Variants in UBE3A observed in about 807,000 individuals in gnomAD.
UBE3A encodes ubiquitin-protein ligase E3A.
UBE3A carries 6 observed loss-of-function variants against 83.4 expected under a neutral mutation model. That is an observed-to-expected ratio of 0.07 (90% CI 0.04 to 0.14). UBE3A has a LOEUF of 0.14. Ranked by LOEUF, UBE3A falls within the 10% of genes least tolerant of loss-of-function variation. UBE3A has a pLI of 1.00. For missense variants in UBE3A, 456 were observed against 1,036.1 expected (o/e 0.44, Z 7.69); for synonymous variants, 337 against 355.4 (o/e 0.95, Z 0.58).
At chr15:25,431,338 ATTTTCTTTTC>A (rs200887628) in intron 1 of UBE3A, among the ~76,000 whole-genome samples, 8 of 151,940 alleles carry the variant, frequency 5.3e-5, no homozygotes, top group East Asian at 1.9e-4. Flanking sequence ...TAAACAGCAT[ATTTTCTTTTC>A]TTTTCTTTTC....
In UBE3A at chr15:25,371,853, A is replaced by T. The variant is rs1234051930; in HGVS notation, c.362-41T>A. On this transcript the variant is annotated intron_variant, in intron 5 of 12. Coordinates refer to ENST00000648336, the MANE Select transcript of UBE3A (RefSeq NM_130839.5). The surrounding 1 kb of genome is among the most constrained non-coding windows in gnomAD (Gnocchi z 5.3). ...AAAAAAGAGAACATTTATTTTCATA[A>T]TATGTATGTTTACTCTGTTGCAAAA... 1.9e-6 allele frequency: 3 copies of T among 1,577,580 alleles called. No homozygotes were observed. The South Asian group carries it at 3.4e-5, about 18-fold the overall frequency.
intron 6 of UBE3A, among the ~76,000 whole-genome samples, chr15:25,367,234 A>C (rs2079378700): frequency 1.3e-5 from 1 of 75,284 alleles, no homozygotes; most frequent in Admixed American, 1.1e-4. Flanking sequence ...CATATTTGTA[A>C]ATATGTAAAT....
intron 6 of UBE3A, among the ~76,000 whole-genome samples, chr15:25,368,230 T>C (rs151195647): frequency 1.2e-4 from 18 of 152,278 alleles, no homozygotes; most frequent in East Asian, 1.9e-4. Context: ...CTTTCTATTA[T>C]AGAACTTCTA....
At chr15:25,418,788 GT>G (rs1888247932) in intron 1 of UBE3A, 1 of 152,026 alleles carries the variant, frequency 6.6e-6, no homozygotes, top group South Asian at 2.1e-4. Flanking sequence ...TTTTCATCAG[GT>G]GGTGGAGTCT....
At chr15:25,381,390 G>A (rs958345471) in intron 4 of UBE3A, among the ~76,000 whole-genome samples, 1 of 152,056 alleles carries the variant, frequency 6.6e-6, no homozygotes, top group Non-Finnish European at 1.5e-5. Flanking sequence ...CGCCAAACAA[G>A]TAAGATTAGA....
chr15:25,367,680 A>AATG (rs1489618777), intron 6 of UBE3A, among the ~76,000 whole-genome samples: 1 of 152,138 alleles, frequency 6.6e-6, no homozygotes, highest in Non-Finnish European at 1.5e-5. Context: ...GCAGTAATAA[A>AATG]ATGATAGTGT....
At chr15:25,417,826 G>A (rs1164432027) in intron 1 of UBE3A, 1 of 151,282 alleles carries the variant, frequency 6.6e-6, no homozygotes, top group Non-Finnish European at 1.5e-5. Flanking sequence ...GATGAAAGAG[G>A]AGTAAAGGTG....
intron 1 of UBE3A, among the ~76,000 whole-genome samples, chr15:25,412,515 A>G (rs2090178271): frequency 6.6e-6 from 1 of 152,186 alleles, no homozygotes; most frequent in Non-Finnish European, 1.5e-5. Flanking sequence ...ACTTCAATAT[A>G]CGACGATAAT....
chr15:25,367,685 T>C (rs1221824828), intron 6 of UBE3A, among the ~76,000 whole-genome samples: 2 of 152,130 alleles, frequency 1.3e-5, no homozygotes, highest in Admixed American at 6.5e-5. Context: ...AATAAAATGA[T>C]AGTGTTTCCT....
chr15:25,408,961 A>C, intron 3 of UBE3A, 127 bp downstream of exon 3: 1 of 955,580 alleles, frequency 1.0e-6, no homozygotes, highest in Non-Finnish European at 1.6e-6. Context: ...TAAATGAAGT[A>C]GGTCAACTCT....
In UBE3A at chr15:25,363,892, G is replaced by T. The variant is rs59539868; in HGVS notation, c.1609-3365C>A. Among the ~76,000 whole-genome samples the T allele has an allele frequency of 3.4e-3, 518 of 152,012 alleles. 2 individuals carry two copies. The highest frequency in any genetic ancestry group is 0.012 in the African/African-American group (500 of 41,486). On this transcript the variant is annotated intron_variant, in intron 6 of 12. Transcript: ENST00000648336. Reference sequence around the variant, plus strand: ...CACATAAGTGATTTCATAAAATACTGTACCACTTAAGAATAAAGGCTGGGC... The same window carrying T: ...CACATAAGTGATTTCATAAAATACTTTACCACTTAAGAATAAAGGCTGGGC...
At chr15:25,398,771 T>TATA (rs2086218460) in intron 4 of UBE3A, among the ~76,000 whole-genome samples, 9 of 68,954 alleles carry the variant, frequency 1.3e-4, no homozygotes, top group East Asian at 3.4e-4. Flanking sequence ...ATTCTTTTAT[T>TATA]TATATATATA....
At chr15:25,427,362 G>A (rs1282151809) in intron 1 of UBE3A, among the ~76,000 whole-genome samples, 1 of 151,848 alleles carries the variant, frequency 6.6e-6, no homozygotes, top group Admixed American at 6.6e-5. Flanking sequence ...TAAGATAGAA[G>A]GAAGATGGAT....
Position 25,339,046 on chromosome 15 carries a change from A to AAAATTTATCCCTCGTTATAT in UBE3A, c.*71_*90dup. ...TTGTACTGGGACACTATCACCACCA[A>AAAATTTATCCCTCGTTATAT]AAATTTATCCCTCGTTATATTTTTA... On this transcript the variant is annotated 3_prime_UTR_variant, in exon 13 of 13. Coordinates refer to ENST00000648336, the MANE Select transcript of UBE3A (RefSeq NM_130839.5). 2 of 1,394,184 alleles carry AAAATTTATCCCTCGTTATAT rather than the reference A, an allele frequency of 1.4e-6. No homozygotes were observed. Among genetic ancestry groups the AAAATTTATCCCTCGTTATAT allele is most frequent in the South Asian group, 3.1e-5 (2 of 63,598 alleles). 86.4% of individuals were successfully genotyped at this position (1,394,184 alleles called of 1,614,324 possible). A position where few individuals can be genotyped will look rare whatever the true frequency, so the allele number is the denominator to read the frequency against.
At position 25,356,699 on chromosome 15, in the gene UBE3A, A is replaced by C; in HGVS notation, c.1951T>G (p.Ser651Ala). 6.2e-7 allele frequency: 1 copy of C among 1,612,690 alleles called. No individual in the cohort carries two copies. Among genetic ancestry groups the C allele is most frequent in the Non-Finnish European group, 8.5e-7 (1 of 1,179,750 alleles). Residue 651 changes from serine to alanine, a missense_variant, in exon 8 of 13, where the codon TCT becomes GCT. Ser to Ala is a moderately conservative substitution (Grantham distance 99, BLOSUM62 1). This residue lies in a region of UBE3A where 18 missense variants were observed against 17.6 expected (regional missense o/e 1.02). Transcript: ENST00000648336. ...AATGACAAAGAACTTACTGGGTGAG[A>C]GTCTCCCAAGTCACGAAAAGTTCCT... ...KKGTFRDLGD[S>A]HPVLYQSLKD...
At chr15:25,353,839 G>T (rs2076861523) in intron 11 of UBE3A, among the ~76,000 whole-genome samples, 1 of 152,126 alleles carries the variant, frequency 6.6e-6, no homozygotes, top group African/African-American at 2.4e-5. Context: ...AAAGCAGATA[G>T]AACTGGGAAC....
chr15:25,398,792 T>TAC lies in UBE3A; in HGVS notation c.62+6668_62+6669insGT, dbSNP rs1308385984. 5.8e-5 allele frequency among the ~76,000 whole-genome samples: 4 copies of TAC among 68,592 alleles called. 1 individual carries two copies. The highest frequency in any genetic ancestry group is 2.2e-4 in the African/African-American group (4 of 18,592). The allele number at this position is 68,592 out of a possible 152,430, so 45.0% of individuals were successfully genotyped here. On this transcript the variant is annotated intron_variant, in intron 4 of 12. Coordinates refer to ENST00000648336, the MANE Select transcript of UBE3A (RefSeq NM_130839.5). ...TTATTTATATATATATATATATATA[T>TAC]ATATATATATATATATATATATAAA...
At chr15:25,366,410 GT>G (rs2079113096) in intron 6 of UBE3A, among the ~76,000 whole-genome samples, 1 of 152,160 alleles carries the variant, frequency 6.6e-6, no homozygotes, top group South Asian at 2.1e-4. Flanking sequence ...TGGAAGCTGG[GT>G]TAGACTAGGC....
intron 1 of UBE3A, 117 bp from the exon 2 acceptor site, chr15:25,412,088 T>A (rs965481145): frequency 1.1e-4 from 17 of 152,150 alleles, no homozygotes; most frequent in African/African-American, 4.1e-4. Flanking sequence ...ATTATGAACA[T>A]CCAAAAACGT....
Sources: gnomAD v4.1 joint callset for allele counts (sites outside exome capture counted in the v4.1 genomes callset) on GRCh38, gnomAD v4.1.1 for gene constraint, gnomAD v4.1.1 regional missense constraint, Gnocchi (gnomAD v3.1) non-coding constraint, MANE v1.5 for transcripts, NCBI Gene and HGNC (gene_info 2026-07-23, HGNC 2026-07-21) for gene names.